YPEL2: variants seen among roughly 807,000 people sequenced by gnomAD.
The protein encoded by YPEL2 is yippee like 2.
In YPEL2, 2 loss-of-function variants were observed where a neutral mutation model predicts 19.1. That is an observed-to-expected ratio of 0.10 (90% CI 0.04 to 0.33). YPEL2 has a LOEUF of 0.33. YPEL2 is among the 10% of genes least tolerant of loss of function. The pLI, the probability that YPEL2 is intolerant of heterozygous loss-of-function variation, is 1.00. For missense variants in YPEL2, 66 were observed against 140.7 expected (o/e 0.47, Z 2.68); for synonymous variants, 52 against 50.0 (o/e 1.04, Z -0.17).
At chr17:59,361,907 C>G (rs2147943928) in intron 2 of YPEL2, among the ~76,000 whole-genome samples, 1 of 152,272 alleles carries the variant, frequency 6.6e-6, no homozygotes, top group South Asian at 2.1e-4. Context: ...AAAGGAGCAT[C>G]AGGAACAAAG....
chr17:59,356,293 T>C (rs1445607657), intron 2 of YPEL2: 1 of 119,504 alleles, frequency 8.4e-6, no homozygotes, highest in Non-Finnish European at 1.7e-5. Context: ...AGCTTGACAT[T>C]CGTTTGGTGC....
chr17:59,373,818 G>A (rs963450662), intron 2 of YPEL2, among the ~76,000 whole-genome samples: 4 of 152,168 alleles, frequency 2.6e-5, no homozygotes, highest in Non-Finnish European at 4.4e-5. Flanking sequence ...AGGCACTTGC[G>A]TTGGCCAAGA....
At chr17:59,391,228 G>A (rs1173648991) in intron 4 of YPEL2, among the ~76,000 whole-genome samples, 1 of 152,140 alleles carries the variant, frequency 6.6e-6, no homozygotes, top group Non-Finnish European at 1.5e-5. Context: ...TGAAGGAGTT[G>A]TCAAACCTGC....
At position 59,387,216 on chromosome 17, in the gene YPEL2, G is replaced by A. The variant is rs186756225; in HGVS notation, c.118-1111G>A. On this transcript the variant is annotated intron_variant, in intron 2 of 4. Coordinates refer to ENST00000312655, the MANE Select transcript of YPEL2 (RefSeq NM_001005404.4). ...TGGAGGTGCAGTGAGCCAAGATCGC[G>A]CAACTGCACTCTGGTCTGGATGACA... Among the ~76,000 whole-genome samples, 241 of 131,176 alleles carry A rather than the reference G, an allele frequency of 1.8e-3. 3 individuals carry two copies. Among genetic ancestry groups the A allele is most frequent in the Admixed American group, 0.018 (195 of 10,904 alleles). 86.1% of individuals were successfully genotyped at this position (131,176 alleles called of 152,430 possible).
At chr17:59,350,229 C>A (rs1209571178) in intron 1 of YPEL2, among the ~76,000 whole-genome samples, 1 of 152,154 alleles carries the variant, frequency 6.6e-6, no homozygotes, top group Non-Finnish European at 1.5e-5. Flanking sequence ...TGCCACCATG[C>A]CTGGCTAAGT....
chr17:59,344,789 A>G (rs2147936301), intron 1 of YPEL2, among the ~76,000 whole-genome samples: 1 of 152,294 alleles, frequency 6.6e-6, no homozygotes, highest in Non-Finnish European at 1.5e-5. Context: ...TGGACTTGGC[A>G]TGTTGGAGAC....
chr17:59,375,341 T>A (rs1486267259), intron 2 of YPEL2, among the ~76,000 whole-genome samples: 2 of 152,218 alleles, frequency 1.3e-5, no homozygotes, highest in Non-Finnish European at 2.9e-5. Flanking sequence ...CTTAAATATT[T>A]CTCTTTGCAA....
intron 1 of YPEL2, among the ~76,000 whole-genome samples, chr17:59,335,591 C>T (rs753159707): frequency 6.6e-6 from 1 of 152,110 alleles, no homozygotes; most frequent in Non-Finnish European, 1.5e-5. Flanking sequence ...CTTGCTCTTG[C>T]CCAGGCTGGA....
At chr17:59,379,090 T>C (rs558113203) in intron 2 of YPEL2, among the ~76,000 whole-genome samples, 1 of 152,372 alleles carries the variant, frequency 6.6e-6, no homozygotes, top group East Asian at 1.9e-4. Flanking sequence ...TGTCCTCTTG[T>C]TCTTACTGCA....
chr17:59,389,929 C>A (rs146150286), intron 4 of YPEL2, among the ~76,000 whole-genome samples: 1 of 152,290 alleles, frequency 6.6e-6, no homozygotes, highest in Middle Eastern at 3.4e-3. Context: ...TTTTCATTCT[C>A]AAAGGACGTG....
At chr17:59,343,648 G>A (rs1442532741) in intron 1 of YPEL2, among the ~76,000 whole-genome samples, 2 of 152,130 alleles carry the variant, frequency 1.3e-5, no homozygotes, top group Non-Finnish European at 2.9e-5. Context: ...GATAATGACT[G>A]AGTTTGATCT....
rs1046037 is a variant in YPEL2, at chr17:59,400,892, A to C, written c.*3702A>C. ...CTGTTTCTGAGTGGACCAACAGCAGAACCCACGAGGATTTGTTTTGAGTAT... is the reference window on the plus strand; with the variant it reads ...CTGTTTCTGAGTGGACCAACAGCAGCACCCACGAGGATTTGTTTTGAGTAT... On this transcript the variant is annotated 3_prime_UTR_variant, in exon 5 of 5. Transcript: ENST00000312655. The C allele has an allele frequency of 0.34, 51,514 of 152,490 alleles. 9,208 individuals are homozygous for C. Among genetic ancestry groups the C allele is most frequent in the Middle Eastern group, 0.45 (131 of 294 alleles). 9.4% of individuals were successfully genotyped at this position (152,490 alleles called of 1,614,324 possible). A position where few individuals can be genotyped will look rare whatever the true frequency, so the allele number is the denominator to read the frequency against.
intron 4 of YPEL2, among the ~76,000 whole-genome samples, chr17:59,391,890 A>T (rs1165301408): frequency 7.2e-6 from 1 of 139,174 alleles, no homozygotes; most frequent in Non-Finnish European, 1.5e-5. Context: ...ACAGAGTGAG[A>T]CTCTATCTCA....
intron 2 of YPEL2, among the ~76,000 whole-genome samples, chr17:59,367,815 T>A (rs16943469): frequency 0.018 from 2,760 of 152,180 alleles, 92 homozygotes; most frequent in African/African-American, 0.062. Flanking sequence ...GGTTACAAGG[T>A]GATCAAGCCA....
intron 1 of YPEL2, among the ~76,000 whole-genome samples, chr17:59,349,342 C>T (rs1351855000): frequency 1.3e-5 from 2 of 150,656 alleles, no homozygotes; most frequent in African/African-American, 4.9e-5. Flanking sequence ...TTTCTCAGCC[C>T]ACAGGCCTTT....
At chr17:59,335,691 G>A (rs2047695244) in intron 1 of YPEL2, among the ~76,000 whole-genome samples, 1 of 151,990 alleles carries the variant, frequency 6.6e-6, no homozygotes, top group Non-Finnish European at 1.5e-5. Flanking sequence ...TGGGATTACA[G>A]GCGCACCCCA....
chr17:59,395,076 G>T (rs867509574), intron 4 of YPEL2, among the ~76,000 whole-genome samples: 2 of 152,350 alleles, frequency 1.3e-5, no homozygotes, highest in African/African-American at 4.8e-5. Flanking sequence ...GAGGGAGACC[G>T]TGGGGAGAGG....
At chr17:59,341,525 G>A (rs2047730881) in intron 1 of YPEL2, among the ~76,000 whole-genome samples, 1 of 152,166 alleles carries the variant, frequency 6.6e-6, no homozygotes, top group African/African-American at 2.4e-5. Context: ...CGGGTGTGGT[G>A]GCGGGTGCCT....
At chr17:59,343,684 G>C (rs1309738538) in intron 1 of YPEL2, among the ~76,000 whole-genome samples, 1 of 152,178 alleles carries the variant, frequency 6.6e-6, no homozygotes, top group Non-Finnish European at 1.5e-5. Flanking sequence ...GGAGTAGGGT[G>C]GGGAGGTGAT....
Sources: gnomAD v4.1 joint callset for allele counts (sites outside exome capture counted in the v4.1 genomes callset) on GRCh38, gnomAD v4.1.1 for gene constraint, MANE v1.5 for transcripts, NCBI Gene and HGNC (gene_info 2026-07-23, HGNC 2026-07-21) for gene names.